The following PPM1E variants were observed in gnomAD, a reference collection of about 807,000 sequenced individuals.
The protein encoded by PPM1E is protein phosphatase 1E.
A neutral mutation model predicts 65.9 loss-of-function variants in PPM1E; 20 were observed. The ratio of observed to expected loss-of-function variants is 0.30; its 90% CI spans 0.21 to 0.44. The LOEUF (loss-of-function observed/expected upper bound fraction) is 0.44. Among genes scored for constraint, PPM1E ranks in the 20% least tolerant of loss-of-function variants. The pLI, the probability that PPM1E is intolerant of heterozygous loss-of-function variation, is 1.00. For synonymous variants in PPM1E, 352 were observed against 374.9 expected (o/e 0.94, Z 0.70); for missense variants, 713 against 953.1 (o/e 0.75, Z 3.32).
intron 1 of PPM1E, among the ~76,000 whole-genome samples, chr17:58,888,994 T>C (rs950437346): frequency 3.3e-5 from 5 of 152,168 alleles, no homozygotes; most frequent in Non-Finnish European, 5.9e-5. Flanking sequence ...TTTCTTTAAT[T>C]TTCTCTATTT....
rs951708683 is a variant in PPM1E at position 58,982,496 on chromosome 17, C to G, written c.*1465C>G. The G allele has an allele frequency of 6.1e-6, 1 of 163,366 alleles. No individual in the cohort carries two copies. Among genetic ancestry groups the G allele is most frequent in the East Asian group, 1.7e-4 (1 of 5,840 alleles). 10.1% of individuals were successfully genotyped at this position (163,366 alleles called of 1,614,324 possible). ...AGTGCTCTCGCTAAGAAGTGTCCCC[C>G]GCCTAATCATGTGTTTATAGGATAG... On this transcript the variant is annotated 3_prime_UTR_variant, in exon 7 of 7. Transcript: ENST00000308249.
chr17:58,847,170 G>A (rs1250380942), intron 1 of PPM1E, among the ~76,000 whole-genome samples: 1 of 152,034 alleles, frequency 6.6e-6, no homozygotes, highest in East Asian at 1.9e-4. Flanking sequence ...CTGGATATTA[G>A]CCCTTTGTCA....
intron 1 of PPM1E, among the ~76,000 whole-genome samples, chr17:58,767,201 C>G (rs2049889194): frequency 6.6e-6 from 1 of 151,976 alleles, no homozygotes; most frequent in Non-Finnish European, 1.5e-5. Flanking sequence ...TTCAGTGAGA[C>G]CTCGTTTAGG....
intron 1 of PPM1E, among the ~76,000 whole-genome samples, chr17:58,786,228 A>C (rs759955228): frequency 6.6e-6 from 1 of 151,710 alleles, no homozygotes; most frequent in Non-Finnish European, 1.5e-5. Flanking sequence ...GTTAGCCAGG[A>C]TGGTCTCCGT....
chr17:58,816,016 A>G (rs1486265649), intron 1 of PPM1E, among the ~76,000 whole-genome samples: 4 of 151,982 alleles, frequency 2.6e-5, no homozygotes. Flanking sequence ...TAGAATGTGT[A>G]TAATATTTCT....
At chr17:58,778,002 T>C (rs1453903128) in intron 1 of PPM1E, among the ~76,000 whole-genome samples, 1 of 152,198 alleles carries the variant, frequency 6.6e-6, no homozygotes, top group Non-Finnish European at 1.5e-5. Context: ...TGATCATGGC[T>C]CACTGCAGCC....
chr17:58,775,790 T>G (rs2049987737), intron 1 of PPM1E, among the ~76,000 whole-genome samples: 1 of 150,022 alleles, frequency 6.7e-6, no homozygotes, highest in Non-Finnish European at 1.5e-5. Flanking sequence ...GGCGGGCGCC[T>G]GTAGTCCCAG....
intron 1 of PPM1E, among the ~76,000 whole-genome samples, chr17:58,794,567 C>T (rs2050187916): frequency 6.6e-6 from 1 of 152,104 alleles, no homozygotes; most frequent in Non-Finnish European, 1.5e-5. Flanking sequence ...TTCTCCCACT[C>T]TTCATCTTCC....
chr17:58,820,221 G>C (rs1177538292), intron 1 of PPM1E, among the ~76,000 whole-genome samples: 1 of 152,088 alleles, frequency 6.6e-6, no homozygotes, highest in Non-Finnish European at 1.5e-5. Flanking sequence ...AATTGGACAT[G>C]AGATTTGGGT....
chr17:58,829,249 T>A (rs923067957), intron 1 of PPM1E, among the ~76,000 whole-genome samples: 2 of 151,948 alleles, frequency 1.3e-5, no homozygotes, highest in African/African-American at 4.8e-5. Context: ...TCCATGTTGG[T>A]CAGGCTGGTC....
intron 1 of PPM1E, among the ~76,000 whole-genome samples, chr17:58,902,067 A>G (rs557311180): frequency 1.3e-5 from 2 of 152,276 alleles, no homozygotes; most frequent in South Asian, 2.1e-4. Context: ...ATGTAGCTTA[A>G]TATTTCAGAC....
chr17:58,834,340 A>G (rs1358448571), intron 1 of PPM1E, among the ~76,000 whole-genome samples: 4 of 152,090 alleles, frequency 2.6e-5, no homozygotes, highest in Non-Finnish European at 2.9e-5. Context: ...TTTTCTCCCA[A>G]TCTGTGGCTT....
intron 1 of PPM1E, among the ~76,000 whole-genome samples, chr17:58,780,717 A>G (rs2050042139): frequency 6.6e-6 from 1 of 152,160 alleles, no homozygotes; most frequent in South Asian, 2.1e-4. Flanking sequence ...ATCTTTTTCT[A>G]TATAGAAGTT....
chr17:58,774,742 T>A (rs1319777463), intron 1 of PPM1E, among the ~76,000 whole-genome samples: 1 of 152,184 alleles, frequency 6.6e-6, no homozygotes, highest in African/African-American at 2.4e-5. Context: ...TGTGATTTTT[T>A]AAAAATGTGA....
intron 1 of PPM1E, among the ~76,000 whole-genome samples, chr17:58,847,497 A>G (rs931059534): frequency 2.6e-4 from 40 of 152,326 alleles, no homozygotes; most frequent in Admixed American, 2.0e-3. Context: ...ATGGCTAGCC[A>G]GTTTTCCCAG....
intron 2 of PPM1E, among the ~76,000 whole-genome samples, chr17:58,962,789 T>C (rs2030072859): frequency 6.6e-6 from 1 of 152,166 alleles, no homozygotes; most frequent in South Asian, 2.1e-4. Flanking sequence ...ATAAAAATGC[T>C]AACAGTAGGG....
intron 1 of PPM1E, among the ~76,000 whole-genome samples, chr17:58,910,364 C>T (rs1047330612): frequency 3.3e-5 from 5 of 151,966 alleles, no homozygotes; most frequent in African/African-American, 9.7e-5. Context: ...TTTAGATTTC[C>T]ACCTCTCTGC....
intron 3 of PPM1E, 79 bp downstream of exon 3, chr17:58,965,972 C>T: frequency 1.4e-6 from 2 of 1,394,856 alleles, no homozygotes; most frequent in Non-Finnish European, 1.0e-6. Context: ...AAAAGGAAAA[C>T]TTCTGTTATA....
chr17:58,798,229 TG>T (rs1459358720), intron 1 of PPM1E, among the ~76,000 whole-genome samples: 13 of 136,342 alleles, frequency 9.5e-5, no homozygotes, highest in Non-Finnish European at 1.4e-4. Flanking sequence ...GTTTTTTGTT[TG>T]TTTTTTTTTT....
Sources: allele counts gnomAD v4.1 joint callset (sites outside exome capture counted in the v4.1 genomes callset), GRCh38; gene constraint gnomAD v4.1.1; transcripts MANE v1.5; gene names NCBI Gene and HGNC (gene_info 2026-07-23, HGNC 2026-07-21).